The following NPLOC4 variants were observed in gnomAD, a reference collection of about 807,000 sequenced individuals.
NPLOC4 encodes NPL4 homolog, ubiquitin recognition factor.
Under a neutral mutation model 80.6 loss-of-function variants are expected in NPLOC4, and 18 were observed. The observed-to-expected ratio is 0.22, with a 90% CI of 0.15 to 0.33. The LOEUF is 0.33. Ranked by LOEUF, NPLOC4 falls within the 10% of genes least tolerant of loss-of-function variation. The pLI is 1.00. For synonymous variants in NPLOC4, 313 were observed against 301.5 expected, an observed-to-expected ratio of 1.04 and a Z score of -0.39; for missense variants, 540 against 786.1, an observed-to-expected ratio of 0.69 and a Z score of 3.74.
At chr17:81,570,204 T>C (rs1004835823) in intron 13 of NPLOC4, among the ~76,000 whole-genome samples, 4 of 152,230 alleles carry the variant, frequency 2.6e-5, no homozygotes, top group Admixed American at 6.5e-5. Context: ...TCATGAAGAC[T>C]CGGGCCGCGG....
intron 6 of NPLOC4, 114 bp from the exon 7 acceptor site, chr17:81,606,928 C>G: frequency 1.1e-6 from 1 of 934,466 alleles, no homozygotes. Flanking sequence ...GAGCTAAGCA[C>G]GTGGCAGCAG....
intron 2 of NPLOC4, among the ~76,000 whole-genome samples, chr17:81,627,942 A>G (rs1464959961): frequency 6.6e-6 from 1 of 151,786 alleles, no homozygotes; most frequent in Non-Finnish European, 1.5e-5. Flanking sequence ...TCTCAAAAAA[A>G]GAAATTTGTA....
chr17:81,597,739 C>T (rs11150799), intron 9 of NPLOC4, among the ~76,000 whole-genome samples: 13,929 of 144,852 alleles, frequency 0.096, 717 homozygotes, highest in Middle Eastern at 0.18. Flanking sequence ...GCCAGGATCG[C>T]GCCATTGCAC....
intron 3 of NPLOC4, among the ~76,000 whole-genome samples, chr17:81,613,870 G>A (rs1333171227): frequency 6.6e-6 from 1 of 151,884 alleles, no homozygotes; most frequent in Non-Finnish European, 1.5e-5. Context: ...GCCTCTGGGA[G>A]GCTCTCTCCT....
At chr17:81,563,171 G>GAAT (rs879451710) in intron 16 of NPLOC4, 17,817 of 151,382 alleles carry the variant, frequency 0.12, 1,261 homozygotes, top group Admixed American at 0.22. Flanking sequence ...CGCTTCCTGG[G>GAAT]TCAAGTGATT....
chr17:81,584,058 C>T (rs1025486545), intron 12 of NPLOC4, among the ~76,000 whole-genome samples: 16 of 152,172 alleles, frequency 1.1e-4, no homozygotes, highest in Non-Finnish European at 4.4e-5. Context: ...AATTGTTTCC[C>T]ATTTTTATTG....
chr17:81,565,003 G>C (rs1359032901), intron 16 of NPLOC4: 1 of 380,438 alleles, frequency 2.6e-6, no homozygotes, highest in Non-Finnish European at 4.8e-6. Flanking sequence ...CTCACGAGTG[G>C]GGAATCGTTC....
chr17:81,594,292 A>C (rs955057195), intron 11 of NPLOC4, among the ~76,000 whole-genome samples: 1 of 150,688 alleles, frequency 6.6e-6, no homozygotes, highest in Non-Finnish European at 1.5e-5. Context: ...AAAAAAAAAA[A>C]AAAAAAAAAA....
intron 3 of NPLOC4, among the ~76,000 whole-genome samples, chr17:81,618,306 G>A (rs1173235042): frequency 4.7e-4 from 70 of 149,946 alleles, no homozygotes; most frequent in Non-Finnish European, 8.4e-4. Context: ...CCTCTGCCCC[G>A]CCGCCCCGTC....
intron 1 of NPLOC4, among the ~76,000 whole-genome samples, chr17:81,633,826 C>T (rs1211639224): frequency 2.6e-5 from 4 of 152,016 alleles, no homozygotes; most frequent in Non-Finnish European, 4.4e-5. Context: ...TGCCTCAAGC[C>T]TCCCAAGTAG....
At chr17:81,604,146 T>C (rs1036388546) in intron 8 of NPLOC4, among the ~76,000 whole-genome samples, 2 of 152,310 alleles carry the variant, frequency 1.3e-5, no homozygotes, top group East Asian at 3.9e-4. Context: ...GGTGACACTC[T>C]GGTGATTGGT....
At chr17:81,631,416 G>A (rs2035922003) in intron 1 of NPLOC4, among the ~76,000 whole-genome samples, 1 of 79,406 alleles carries the variant, frequency 1.3e-5, no homozygotes, top group African/African-American at 5.8e-5. Context: ...GCATATTAAA[G>A]TGTACATATA....
At position 81,628,127 on chromosome 17, in the gene NPLOC4, C is replaced by A. The variant is rs1395434895; in HGVS notation, c.96+1598G>T. ...TCGGGAGGCTGAGGCAGGAGAGTGG[C>A]GTGAACCCGGGAGGCGGAGCTTGCA... On this transcript the variant is annotated intron_variant, in intron 2 of 16. Coordinates refer to ENST00000331134, the MANE Select transcript of NPLOC4 (RefSeq NM_017921.4). Among the ~76,000 whole-genome samples the A allele has an allele frequency of 3.3e-5, 5 of 150,846 alleles. No individual in the cohort carries two copies. The East Asian group carries it at 9.7e-4, about 29-fold the overall frequency.
intron 16 of NPLOC4, chr17:81,565,232 T>G: frequency 1.5e-6 from 1 of 655,276 alleles, no homozygotes; most frequent in Non-Finnish European, 2.8e-6. Context: ...CTAGGATGCC[T>G]GGAGATTAGT....
chr17:81,619,363 T>A (rs1429633357), intron 3 of NPLOC4, among the ~76,000 whole-genome samples: 15 of 148,136 alleles, frequency 1.0e-4, no homozygotes, highest in African/African-American at 3.8e-4. Flanking sequence ...GGCAACACAG[T>A]GAGACTCCGT....
rs776703632 is a variant in NPLOC4 at position 81,629,776 on chromosome 17, C to T, written c.45G>A (p.Val15=). 6.8e-6 allele frequency: 11 copies of T among 1,613,758 alleles called. No homozygotes were observed. In the Admixed American group the frequency reaches 8.3e-5, roughly 12 times the overall value. ...CTCTCTTTGTTGCTGTGATCCGCTTCACTCCATCCGGGGACTGGACACGAA... is the reference window on the plus strand; with the variant it reads ...CTCTCTTTGTTGCTGTGATCCGCTTTACTCCATCCGGGGACTGGACACGAA... ...IIIRVQSPDG[V]KRITATKRET... is the part of the protein sequence containing the mutation. The change falls in exon 2 of 17, where the codon GTG becomes GTA. Residue 15 remains valine, a synonymous_variant. Coordinates refer to ENST00000331134, the MANE Select transcript of NPLOC4 (RefSeq NM_017921.4).
chr17:81,610,146 T>TA, intron 5 of NPLOC4, 64 bp downstream of exon 5: 1 of 1,468,694 alleles, frequency 6.8e-7, no homozygotes, highest in Non-Finnish European at 9.3e-7. Context: ...GGCAAGCACT[T>TA]AAGACAGCTG....
rs763642741 is a variant in NPLOC4 at position 81,589,123 on chromosome 17, T to C, written c.1121-19A>G. ...GGACCACCTGCAAGAGAGAGACCTT[T>C]AAAAAGAGTCTACCAAACGGCATTC... On this transcript the variant is annotated intron_variant, in intron 11 of 16. Coordinates refer to ENST00000331134, the MANE Select transcript of NPLOC4 (RefSeq NM_017921.4). 6.2e-7 allele frequency: 1 copy of C among 1,605,096 alleles called. No individual in the cohort carries two copies. Among genetic ancestry groups the C allele is most frequent in the Non-Finnish European group, 8.5e-7 (1 of 1,174,880 alleles).
Position 81,631,467 on chromosome 17 carries a change from C to CCCA in NPLOC4, c.16-1663_16-1662insTGG, listed in dbSNP as rs1274699517. On this transcript the variant is annotated intron_variant, in intron 1 of 16. Coordinates refer to ENST00000331134, the MANE Select transcript of NPLOC4 (RefSeq NM_017921.4). ...TTTTTTTTTTTTTTTTTTTTTCCCC[C>CCCA]ACGGCAAGCCTAAAAAGGTTGGCAG... 5.1e-5 allele frequency among the ~76,000 whole-genome samples: 5 copies of CCCA among 97,550 alleles called. 1 individual carries two copies. The highest frequency in any genetic ancestry group is 3.3e-4 in the East Asian group (1 of 3,064). The allele number at this position is 97,550 out of a possible 152,430, so 64.0% of individuals were successfully genotyped here.
Sources: allele counts gnomAD v4.1 joint callset (sites outside exome capture counted in the v4.1 genomes callset), GRCh38; gene constraint gnomAD v4.1.1; transcripts MANE v1.5; gene names NCBI Gene and HGNC (gene_info 2026-07-23, HGNC 2026-07-21).